FRMPD4: variants seen among roughly 807,000 people sequenced by gnomAD.
FRMPD4 encodes FERM and PDZ domain-containing protein 4.
A neutral mutation model predicts 94.1 loss-of-function variants in FRMPD4; 22 were observed. That is an observed-to-expected ratio of 0.23 (90% CI 0.17 to 0.33). FRMPD4 has a LOEUF of 0.33. Among genes scored for constraint, FRMPD4 ranks in the 10% least tolerant of loss-of-function variants. The pLI, the probability that FRMPD4 is intolerant of heterozygous loss-of-function variation, is 1.00. For synonymous variants in FRMPD4, 631 were observed against 548.6 expected, an observed-to-expected ratio of 1.15 and a Z score of -2.10; for missense variants, 1,111 against 1,339.9, an observed-to-expected ratio of 0.83 and a Z score of 2.67.
At chrX:12,071,619 A>T (rs1385272126) in intron 3 of FRMPD4, among the ~76,000 whole-genome samples, 2 of 111,859 alleles carry the variant, frequency 1.8e-5, no homozygotes, top group Non-Finnish European at 3.8e-5. Flanking sequence ...TCCAGGTTGC[A>T]TGATTCCAAG....
chrX:12,378,610 G>A (rs754845290), intron 1 of FRMPD4, among the ~76,000 whole-genome samples: 5 of 112,366 alleles, frequency 4.4e-5, no homozygotes, highest in African/African-American at 6.5e-5. Context: ...TGAAGTGTGC[G>A]CTGTGTGTAG....
chrX:11,907,615 G>T (rs1312839715), intron 3 of FRMPD4, among the ~76,000 whole-genome samples: 1 of 111,300 alleles, frequency 9.0e-6, no homozygotes, highest in Admixed American at 9.5e-5. Flanking sequence ...CCTTTTATAA[G>T]GGCACCAATC....
In FRMPD4 at chrX:12,701,908, C is replaced by G. The variant is rs1346974285; in HGVS notation, c.968C>G (p.Pro323Arg). The change falls in exon 10 of 17, where the codon CCG becomes CGG. Residue 323 changes from proline (P) to arginine (R), a missense_variant. By Grantham distance (103) the Pro-to-Arg change is moderately radical. Around this residue, in one of 8 missense-constraint regions of FRMPD4, gnomAD observed 37 missense variants for 101.0 expected, o/e 0.37. Transcript: ENST00000675598. ...GATGTGGTTCAGGAGCGATTTGGGC[C>G]GGAGCTGAAATATGACATAGCCCTG... ...CNDVVQERFG[P>R]ELKYDIALRL... The G allele has an allele frequency of 8.3e-7, 1 of 1,209,830 alleles. No homozygotes were observed. Among genetic ancestry groups the G allele is most frequent in the Non-Finnish European group, 1.1e-6 (1 of 894,175 alleles).
At chrX:11,878,543 TTTAA>T (rs1931079473) in intron 3 of FRMPD4, among the ~76,000 whole-genome samples, 1 of 112,653 alleles carries the variant, frequency 8.9e-6, no homozygotes, top group Admixed American at 9.4e-5. Context: ...TTGGTTTGTA[TTTAA>T]TTGTTTCTTT....
intron 1 of FRMPD4, among the ~76,000 whole-genome samples, chrX:12,466,123 AAG>A (rs1292223214): frequency 8.9e-6 from 1 of 111,796 alleles, no homozygotes; most frequent in Admixed American, 9.5e-5. Flanking sequence ...CCCTAGCTGG[AAG>A]AGGTGGAAAG....
At chrX:12,603,719 C>G (rs1298855943) in intron 2 of FRMPD4, among the ~76,000 whole-genome samples, 2 of 110,411 alleles carry the variant, frequency 1.8e-5, no homozygotes, top group Non-Finnish European at 3.8e-5. Context: ...CTTCTAGTCT[C>G]AGCATCAGAA....
intron 1 of FRMPD4, among the ~76,000 whole-genome samples, chrX:12,248,978 G>A (rs1254868203): frequency 8.9e-6 from 1 of 112,917 alleles, no homozygotes; most frequent in Non-Finnish European, 1.9e-5. Flanking sequence ...GGCGGAGATT[G>A]CAGTGAACCG....
At chrX:12,230,074 CCTT>C (rs1431452611) in intron 1 of FRMPD4, among the ~76,000 whole-genome samples, 1 of 111,196 alleles carries the variant, frequency 9.0e-6, no homozygotes, top group African/African-American at 3.3e-5. Flanking sequence ...CTCTTCCATG[CCTT>C]CTTCTTCTTG....
At chrX:12,142,717 T>C (rs1056071649) in intron 1 of FRMPD4, among the ~76,000 whole-genome samples, 3 of 111,980 alleles carry the variant, frequency 2.7e-5, no homozygotes, top group African/African-American at 9.7e-5. Context: ...TTTGAAGCTG[T>C]GAAAGTCTAG....
At chrX:12,475,055 A>C (rs896975620) in intron 1 of FRMPD4, among the ~76,000 whole-genome samples, 1 of 111,935 alleles carries the variant, frequency 8.9e-6, no homozygotes, top group Non-Finnish European at 1.9e-5. Context: ...TTGATGCAAA[A>C]ATCCTCAATA....
chrX:12,222,669 A>G (rs1347804916), intron 1 of FRMPD4, among the ~76,000 whole-genome samples: 1 of 112,144 alleles, frequency 8.9e-6, no homozygotes, highest in Non-Finnish European at 1.9e-5. Context: ...CCACACCCAG[A>G]TCCAACCAAC....
intron 2 of FRMPD4, among the ~76,000 whole-genome samples, chrX:12,519,914 G>A (rs1346549679): frequency 8.9e-6 from 1 of 112,185 alleles, no homozygotes; most frequent in Non-Finnish European, 1.9e-5. Flanking sequence ...TGGCAAGAAT[G>A]TGGAGAAATT....
rs373630961 is a variant in FRMPD4 at position 12,672,492 on chromosome X, G to C, written c.423-2371G>C. Among the ~76,000 whole-genome samples, 15 of 112,356 alleles carry C rather than the reference G, an allele frequency of 1.3e-4. No homozygotes were observed. The East Asian group carries it at 2.8e-3, about 21-fold the overall frequency. ...TGCACAAATGTAGCCTCTGCTCTTT[G>C]AGCATGTGCTGCTTCTGACAGCCTC... On this transcript the variant is annotated intron_variant, in intron 4 of 16. Coordinates refer to ENST00000675598, the MANE Select transcript of FRMPD4 (RefSeq NM_001368397.1).
At chrX:11,956,429 C>G (rs181784230) in intron 3 of FRMPD4, among the ~76,000 whole-genome samples, 186 of 111,944 alleles carry the variant, frequency 1.7e-3, no homozygotes, top group African/African-American at 5.8e-3. Context: ...AGAACATTTT[C>G]TATTCTAATG....
At chrX:12,434,230 G>T (rs751094382) in intron 1 of FRMPD4, among the ~76,000 whole-genome samples, 1 of 112,522 alleles carries the variant, frequency 8.9e-6, no homozygotes, top group African/African-American at 3.2e-5. Flanking sequence ...GGGAACCTCT[G>T]TGATGAATAT....
intron 1 of FRMPD4, among the ~76,000 whole-genome samples, chrX:12,264,220 G>A (rs765686508): frequency 8.9e-6 from 1 of 111,918 alleles, no homozygotes; most frequent in African/African-American, 3.2e-5. Context: ...GGAAAACTAA[G>A]GCCTAATGAT....
At chrX:12,367,146 A>G (rs1216821777) in intron 1 of FRMPD4, among the ~76,000 whole-genome samples, 1 of 111,945 alleles carries the variant, frequency 8.9e-6, no homozygotes, top group Non-Finnish European at 1.9e-5. Context: ...TTCCATTCAC[A>G]TACCTGCCTA....
intron 1 of FRMPD4, among the ~76,000 whole-genome samples, chrX:12,152,965 T>C (rs1170474105): frequency 9.7e-6 from 1 of 103,594 alleles, no homozygotes; most frequent in Non-Finnish European, 2.0e-5. Flanking sequence ...CTCGCTCTGT[T>C]GCCCAGGCCG....
upstream of FRMPD4, among the ~76,000 whole-genome samples, chrX:12,137,950 A>C (rs1473550325): frequency 1.8e-5 from 2 of 111,612 alleles, no homozygotes; most frequent in African/African-American, 6.5e-5. Flanking sequence ...CCTCCGCATC[A>C]CGGGCTCCTG....
Sources: gnomAD v4.1 joint callset for allele counts (sites outside exome capture counted in the v4.1 genomes callset) on GRCh38, gnomAD v4.1.1 for gene constraint, gnomAD v4.1.1 regional missense constraint, MANE v1.5 for transcripts, NCBI Gene and HGNC (gene_info 2026-07-23, HGNC 2026-07-21) for gene names.